SORCS2: variants seen among roughly 807,000 people sequenced by gnomAD.
SORCS2 encodes VPS10 domain-containing receptor SorCS2.
Under a neutral mutation model 141.6 loss-of-function variants are expected in SORCS2, and 100 were observed. The observed-to-expected ratio is 0.71, with a 90% CI of 0.60 to 0.83. The LOEUF is 0.83. Among genes scored for constraint, SORCS2 ranks in the 40% least tolerant of loss-of-function variants. The probability of loss-of-function intolerance (pLI) is 0.00; values close to 1 mark genes in which losing one functional copy is unlikely to be tolerated. For synonymous variants in SORCS2, 789 were observed against 676.9 expected, an observed-to-expected ratio of 1.17 and a Z score of -2.57; for missense variants, 1,646 against 1,560.2, an observed-to-expected ratio of 1.05 and a Z score of -0.93.
intron 1 of SORCS2, chr4:7,382,057 A>C (rs1169437245): frequency 1.1e-6 from 1 of 884,972 alleles, no homozygotes; most frequent in Non-Finnish European, 1.4e-6. Flanking sequence ...TCGTTCGGGA[A>C]AGGCCCAGGC....
At position 7,664,238 on chromosome 4, in the gene SORCS2, C is replaced by G. The variant is rs1322593791; in HGVS notation, c.953-115C>G. The G allele has an allele frequency of 3.8e-6, 3 of 781,018 alleles. No individual in the cohort carries two copies. Among genetic ancestry groups the G allele is most frequent in the Non-Finnish European group, 6.1e-6 (3 of 494,160 alleles). The allele number at this position is 781,018 out of a possible 1,614,324, so 48.4% of individuals were successfully genotyped here. On this transcript the variant is annotated intron_variant, in intron 6 of 26. Coordinates refer to ENST00000507866, the MANE Select transcript of SORCS2 (RefSeq NM_020777.3). The surrounding 1 kb of genome is among the most constrained non-coding windows in gnomAD (Gnocchi z 4.7). Reference sequence around the variant, plus strand: ...ATCACGGTGGCCTTTAGAATTCAAGCCCATGAAGCCACACCACAGCGGTAT... The same window carrying G: ...ATCACGGTGGCCTTTAGAATTCAAGGCCATGAAGCCACACCACAGCGGTAT...
At position 7,490,992 on chromosome 4, in the gene SORCS2, G is replaced by A. The variant is rs186805878; in HGVS notation, c.549-40538G>A. Among the ~76,000 whole-genome samples, 379 of 152,166 alleles carry A rather than the reference G, an allele frequency of 2.5e-3. 1 individual carries two copies. The highest frequency in any genetic ancestry group is 4.9e-3 in the Admixed American group (75 of 15,288). On this transcript the variant is annotated intron_variant, in intron 2 of 26. Coordinates refer to ENST00000507866, the MANE Select transcript of SORCS2 (RefSeq NM_020777.3). ...TACCAGCTGCCCAGCGGCTGGTCTC[G>A]CCCCTCCTCTCTGTCCCTGCCCTGC...
intron 1 of SORCS2, among the ~76,000 whole-genome samples, chr4:7,315,188 G>C (rs149239127): frequency 6.6e-6 from 1 of 152,198 alleles, no homozygotes; most frequent in African/African-American, 2.4e-5. Flanking sequence ...CCTGAGCTTC[G>C]AGTGAGCCTC....
chr4:7,588,899 C>T (rs1716717807), intron 3 of SORCS2, among the ~76,000 whole-genome samples: 1 of 152,174 alleles, frequency 6.6e-6, no homozygotes. Flanking sequence ...GCAGGTGGCT[C>T]CTATCGGAAC....
intron 2 of SORCS2, among the ~76,000 whole-genome samples, chr4:7,472,252 G>T (rs1211640063): frequency 1.3e-5 from 2 of 152,282 alleles, no homozygotes; most frequent in Middle Eastern, 3.4e-3. Flanking sequence ...AGGGCCTGGG[G>T]CTGGCTGCAC....
chr4:7,574,684 T>G (rs1265611794), intron 3 of SORCS2, among the ~76,000 whole-genome samples: 1 of 151,896 alleles, frequency 6.6e-6, no homozygotes, highest in East Asian at 1.9e-4. Context: ...TACTGAGGAA[T>G]CAGAGTGAAA....
rs116487560 is a variant in SORCS2 at position 7,572,971 on chromosome 4, G to A, written c.648+41342G>A. On this transcript the variant is annotated intron_variant, in intron 3 of 26. Transcript: ENST00000507866. ...CAAACATCCATTTCTAAAGTGCCCCGTCATAGTCTAAATCCCTTTGGAAAG... is the reference window on the plus strand; with the variant it reads ...CAAACATCCATTTCTAAAGTGCCCCATCATAGTCTAAATCCCTTTGGAAAG... 7.2e-3 allele frequency among the ~76,000 whole-genome samples: 1,089 copies of A among 152,246 alleles called. 12 individuals carry two copies. Among genetic ancestry groups the A allele is most frequent in the African/African-American group, 0.025 (1,027 of 41,540 alleles).
chr4:7,433,981 A>C (rs776445661), intron 2 of SORCS2: 1 of 1,613,744 alleles, frequency 6.2e-7, no homozygotes, highest in Admixed American at 1.7e-5. Context: ...CTTCTGCACC[A>C]CGTTCATGCA....
intron 2 of SORCS2, chr4:7,432,491 C>T (rs1200705910): frequency 6.6e-6 from 1 of 152,184 alleles, no homozygotes; most frequent in Admixed American, 6.5e-5. Flanking sequence ...GGGCTGTGTT[C>T]ACCGTCTTTG....
In SORCS2 at chr4:7,480,919, C is replaced by T. The variant is rs1454541130; in HGVS notation, c.549-50611C>T. Among the ~76,000 whole-genome samples, 4 of 152,226 alleles carry T rather than the reference C, an allele frequency of 2.6e-5. No homozygotes were observed. The East Asian group carries it at 5.8e-4, about 22-fold the overall frequency. On this transcript the variant is annotated intron_variant, in intron 2 of 26. Coordinates refer to ENST00000507866, the MANE Select transcript of SORCS2 (RefSeq NM_020777.3). ...ATGAGTGTTCCCTTTTCTGGAGAAA[C>T]AGGTGATATGTGGGGTTTTTAGGAA...
intron 3 of SORCS2, among the ~76,000 whole-genome samples, chr4:7,620,808 C>T (rs1227533927): frequency 2.0e-5 from 3 of 152,190 alleles, no homozygotes; most frequent in Non-Finnish European, 2.9e-5. Flanking sequence ...CTGAGGGTCT[C>T]ACGGTGGGGG....
chr4:7,207,013 T>G (rs1727781118), intron 1 of SORCS2, among the ~76,000 whole-genome samples: 1 of 152,088 alleles, frequency 6.6e-6, no homozygotes, highest in Admixed American at 6.5e-5. Flanking sequence ...GCTCGCTCAC[T>G]CATCCATCTA....
chr4:7,575,739 G>A (rs1316475213), intron 3 of SORCS2, among the ~76,000 whole-genome samples: 1 of 152,214 alleles, frequency 6.6e-6, no homozygotes, highest in African/African-American at 2.4e-5. Flanking sequence ...CCATGGCTTA[G>A]TGCTGACCGG....
At position 7,315,744 on chromosome 4, in the gene SORCS2, G is replaced by C. The variant is rs964795302; in HGVS notation, c.481-80544G>C. Among the ~76,000 whole-genome samples, 4 of 152,142 alleles carry C rather than the reference G, an allele frequency of 2.6e-5. No homozygotes were observed. In the East Asian group the frequency reaches 7.7e-4, roughly 29 times the overall value. ...ACTCTCTCACCTCTGAAGGTCCTTG[G>C]CTGCTTCTGCCATCTGCTCTGGTTA... On this transcript the variant is annotated intron_variant, in intron 1 of 26. Coordinates refer to ENST00000507866, the MANE Select transcript of SORCS2 (RefSeq NM_020777.3).
rs905469471 is a variant in SORCS2, at chr4:7,336,757, C to T, written c.481-59531C>T. ...GCACCTTGGGTGAGCCGTGCCCAGA[C>T]GCAATCCCTGAGCAGCTTGGGTGGC... On this transcript the variant is annotated intron_variant, in intron 1 of 26. Transcript: ENST00000507866. 3.3e-5 allele frequency among the ~76,000 whole-genome samples: 5 copies of T among 152,002 alleles called. 2 individuals carry two copies. Among genetic ancestry groups the T allele is most frequent in the Non-Finnish European group, 2.9e-5 (2 of 68,014 alleles).
rs148395646 is a variant in SORCS2, at chr4:7,205,217, G to T, written c.480+12091G>T. Among the ~76,000 whole-genome samples, 46 of 152,248 alleles carry T rather than the reference G, an allele frequency of 3.0e-4. 1 individual carries two copies. In the East Asian group the frequency reaches 8.1e-3, roughly 27 times the overall value. ...CCTGGCTGTGGGTTAGGCTCCTTGGGTGGACCAAGGACACACACCCAGGGG... is the reference window on the plus strand; with the variant it reads ...CCTGGCTGTGGGTTAGGCTCCTTGGTTGGACCAAGGACACACACCCAGGGG... On this transcript the variant is annotated intron_variant, in intron 1 of 26. Coordinates refer to ENST00000507866, the MANE Select transcript of SORCS2 (RefSeq NM_020777.3).
chr4:7,358,687 G>A (rs1413558653), intron 1 of SORCS2, among the ~76,000 whole-genome samples: 1 of 152,242 alleles, frequency 6.6e-6, no homozygotes, highest in African/African-American at 2.4e-5. Context: ...GTGGGGATCA[G>A]CATGAAAATA....
At chr4:7,571,529 G>A (rs547181992) in intron 3 of SORCS2, among the ~76,000 whole-genome samples, 1 of 152,218 alleles carries the variant, frequency 6.6e-6, no homozygotes, top group African/African-American at 2.4e-5. Flanking sequence ...ATTCTACCTG[G>A]GCAGTCCCGT....
chr4:7,607,109 A>G, intron 3 of SORCS2, among the ~76,000 whole-genome samples: 1 of 152,220 alleles, frequency 6.6e-6, no homozygotes, highest in East Asian at 1.9e-4. Context: ...GATGATGGAT[A>G]TCAACTTTTA....
Sources: gnomAD v4.1 joint callset for allele counts (sites outside exome capture counted in the v4.1 genomes callset) on GRCh38, gnomAD v4.1.1 for gene constraint, Gnocchi (gnomAD v3.1) non-coding constraint, MANE v1.5 for transcripts, NCBI Gene and HGNC (gene_info 2026-07-23, HGNC 2026-07-21) for gene names.